GRM7: variants seen among roughly 807,000 people sequenced by gnomAD.
The protein encoded by GRM7 is metabotropic glutamate receptor 7.
GRM7 carries 35 observed loss-of-function variants against 84.5 expected under a neutral mutation model. The observed-to-expected ratio is 0.41, with a 90% confidence interval of 0.32 to 0.55. The LOEUF is 0.55. Ranked by LOEUF, GRM7 falls within the 20% of genes least tolerant of loss-of-function variation. The pLI is 0.19. For synonymous variants in GRM7, 487 were observed against 455.1 expected, an observed-to-expected ratio of 1.07 and a Z score of -0.89; for missense variants, 1,003 against 1,194.6, an observed-to-expected ratio of 0.84 and a Z score of 2.36.
chr3:7,370,724 G>A (rs752713827), intron 4 of GRM7, among the ~76,000 whole-genome samples: 4 of 152,080 alleles, frequency 2.6e-5, no homozygotes, highest in Non-Finnish European at 5.9e-5. Context: ...CCTGCCTTCA[G>A]ACCTCACCCT....
intron 1 of GRM7, among the ~76,000 whole-genome samples, chr3:7,108,762 C>G (rs888007576): frequency 6.6e-6 from 1 of 152,062 alleles, no homozygotes; most frequent in African/African-American, 2.4e-5. Context: ...AATCACATAA[C>G]ATACAAAAAG....
At chr3:7,341,297 A>G (rs973804649) in intron 4 of GRM7, among the ~76,000 whole-genome samples, 1 of 152,026 alleles carries the variant, frequency 6.6e-6, no homozygotes, top group African/African-American at 2.4e-5. Flanking sequence ...ATAGGAGACT[A>G]TTATTTAAAG....
intron 1 of GRM7, among the ~76,000 whole-genome samples, chr3:6,914,790 G>T (rs1696888006): frequency 6.6e-6 from 1 of 151,896 alleles, no homozygotes; most frequent in Non-Finnish European, 1.5e-5. Context: ...CTAGTATTTT[G>T]CCATGTTTTT....
intron 1 of GRM7, among the ~76,000 whole-genome samples, chr3:6,890,132 A>G (rs1695874001): frequency 6.6e-6 from 1 of 150,590 alleles, no homozygotes; most frequent in Non-Finnish European, 1.5e-5. Flanking sequence ...TTTTTTCTTT[A>G]TTAGTCTTGG....
At chr3:7,337,435 C>A (rs1208089749) in intron 4 of GRM7, among the ~76,000 whole-genome samples, 1 of 152,062 alleles carries the variant, frequency 6.6e-6, no homozygotes, top group South Asian at 2.1e-4. Flanking sequence ...AGCAAAAAAG[C>A]TTCTACACAG....
intron 2 of GRM7, among the ~76,000 whole-genome samples, chr3:7,279,134 C>A (rs1032581903): frequency 2.0e-5 from 3 of 152,056 alleles, no homozygotes; most frequent in African/African-American, 7.2e-5. Context: ...GACATAAGGG[C>A]TGGGTTGATG....
intron 4 of GRM7, among the ~76,000 whole-genome samples, chr3:7,341,632 A>AGTCTTTTT (rs1692638001): frequency 6.6e-6 from 1 of 152,246 alleles, no homozygotes; most frequent in South Asian, 2.1e-4. Flanking sequence ...CTTTACCAAA[A>AGTCTTTTT]GTCTTTTTGT....
At chr3:7,657,274 A>G (rs749319681) in intron 8 of GRM7, among the ~76,000 whole-genome samples, 2 of 152,216 alleles carry the variant, frequency 1.3e-5, no homozygotes, top group Non-Finnish European at 2.9e-5. Context: ...ATTGGGGAAA[A>G]ATAAAAAGAT....
At chr3:7,472,643 G>C (rs1698750393) in intron 7 of GRM7, among the ~76,000 whole-genome samples, 1 of 152,156 alleles carries the variant, frequency 6.6e-6, no homozygotes, top group South Asian at 2.1e-4. Flanking sequence ...AAAGTGAGTA[G>C]AGCTCCCAAG....
intron 1 of GRM7, among the ~76,000 whole-genome samples, chr3:6,959,540 T>C (rs1316397212): frequency 6.6e-6 from 1 of 152,144 alleles, no homozygotes; most frequent in East Asian, 1.9e-4. Context: ...GAAAAGACTC[T>C]AGGAAACTGG....
At position 7,572,882 on chromosome 3, in the gene GRM7, ATAAT is replaced by A. The variant is rs1466716685; in HGVS notation, c.1516-5539_1516-5536del. Among the ~76,000 whole-genome samples the A allele has an allele frequency of 1.4e-4, 14 of 98,292 alleles. 3 individuals are homozygous for A. The highest frequency in any genetic ancestry group is 5.5e-4 in the African/African-American group (14 of 25,312). 64.5% of individuals were successfully genotyped at this position (98,292 alleles called of 152,430 possible). A position where few individuals can be genotyped will look rare whatever the true frequency, so the allele number is the denominator to read the frequency against. On this transcript the variant is annotated intron_variant, in intron 7 of 9. Transcript: ENST00000357716. The stretch of plus-strand genomic sequence containing the variant: ...TATATATATATATATATATATATAA[ATAAT>A]CTTTCTACCTATAATAATTCTTTCT...
At chr3:6,938,299 A>G (rs1050752479) in intron 1 of GRM7, among the ~76,000 whole-genome samples, 2 of 152,206 alleles carry the variant, frequency 1.3e-5, no homozygotes, top group Admixed American at 6.5e-5. Context: ...ACATTTGACA[A>G]ATAAAATTCA....
chr3:7,555,403 T>C lies in GRM7; in HGVS notation c.1516-23019T>C, dbSNP rs138856051. Among the ~76,000 whole-genome samples, 702 of 152,304 alleles carry C rather than the reference T, an allele frequency of 4.6e-3. 5 individuals carry two copies. Among genetic ancestry groups the C allele is most frequent in the African/African-American group, 0.012 (499 of 41,574 alleles). On this transcript the variant is annotated intron_variant, in intron 7 of 9. Coordinates refer to ENST00000357716, the MANE Select transcript of GRM7 (RefSeq NM_000844.4). ...CTCTATAGAATCTCTTCCCCTAACT[T>C]TCTGGTTTAGGGCTCCCATGACAGC...
chr3:7,530,271 C>A (rs1575458598), intron 7 of GRM7, among the ~76,000 whole-genome samples: 3 of 152,068 alleles, frequency 2.0e-5, no homozygotes, highest in African/African-American at 7.2e-5. Context: ...AGGACATGAA[C>A]TTATCCTTTT....
chr3:7,244,556 G>C (rs1322297050), intron 2 of GRM7, among the ~76,000 whole-genome samples: 3 of 151,970 alleles, frequency 2.0e-5, no homozygotes, highest in Non-Finnish European at 2.9e-5. Flanking sequence ...GAAGGATTTG[G>C]TAAGCACCTT....
intron 8 of GRM7, among the ~76,000 whole-genome samples, chr3:7,638,811 A>G (rs1308234730): frequency 1.3e-5 from 2 of 152,330 alleles, no homozygotes; most frequent in South Asian, 2.1e-4. Flanking sequence ...TGCTCCCTGC[A>G]TTAGTTGTAT....
At chr3:7,108,905 T>G (rs2125031111) in intron 1 of GRM7, among the ~76,000 whole-genome samples, 1 of 152,226 alleles carries the variant, frequency 6.6e-6, no homozygotes, top group African/African-American at 2.4e-5. Context: ...ACCAGCAGGA[T>G]TTATAAGCAG....
intron 7 of GRM7, among the ~76,000 whole-genome samples, chr3:7,502,040 G>T (rs1248295056): frequency 2.0e-5 from 3 of 152,122 alleles, no homozygotes; most frequent in African/African-American, 4.8e-5. Context: ...ATCAAAACTG[G>T]ACTGAAATTC....
chr3:7,274,628 A>G (rs930750994), intron 2 of GRM7, among the ~76,000 whole-genome samples: 4 of 151,844 alleles, frequency 2.6e-5, no homozygotes, highest in African/African-American at 9.7e-5. Context: ...CTGAGGAGAG[A>G]TTGTCTGTAA....
Sources: gnomAD v4.1 joint callset for allele counts (sites outside exome capture counted in the v4.1 genomes callset) on GRCh38, gnomAD v4.1.1 for gene constraint, MANE v1.5 for transcripts, NCBI Gene and HGNC (gene_info 2026-07-23, HGNC 2026-07-21) for gene names.